SORBS2: variants seen among roughly 807,000 people sequenced by gnomAD.
SORBS2 encodes sorbin and SH3 domain containing 2.
A neutral mutation model predicts 97.7 loss-of-function variants in SORBS2; 46 were observed. The observed-to-expected ratio is 0.47, with a 90% confidence interval of 0.37 to 0.60. The LOEUF is 0.60. Ranked by LOEUF, SORBS2 falls within the 20% of genes least tolerant of loss-of-function variation. SORBS2 has a pLI of 0.00. For missense variants in SORBS2, 1,316 were observed against 1,282.3 expected, an observed-to-expected ratio of 1.03 and a Z score of -0.40; for synonymous variants, 476 against 473.4, an observed-to-expected ratio of 1.01 and a Z score of -0.07.
chr4:185,806,464 T>TGAGACGGAG, intron 1 of SORBS2, among the ~76,000 whole-genome samples: 1 of 27,610 alleles, frequency 3.6e-5, no homozygotes, highest in Non-Finnish European at 7.4e-5. Context: ...TTTTTTTTTT[T>TGAGACGGAG]TTTTTTTTTT....
intron 12 of SORBS2, among the ~76,000 whole-genome samples, chr4:185,603,235 C>G (rs1049597478): frequency 1.8e-4 from 27 of 151,146 alleles, no homozygotes; most frequent in Non-Finnish European, 1.3e-4. Flanking sequence ...AGCTTAAAAA[C>G]CGAAGAACAA....
chr4:185,681,187 TTC>T (rs1162861310), intron 2 of SORBS2, among the ~76,000 whole-genome samples: 1 of 152,188 alleles, frequency 6.6e-6, no homozygotes, highest in African/African-American at 2.4e-5. Context: ...GTACATTCAT[TTC>T]TCTTTCTTTA....
At chr4:185,898,121 C>T (rs1176845717) in intron 1 of SORBS2, among the ~76,000 whole-genome samples, 1 of 152,204 alleles carries the variant, frequency 6.6e-6, no homozygotes, top group Non-Finnish European at 1.5e-5. Flanking sequence ...AATCCAACCA[C>T]TTTTTGACGT....
At chr4:185,883,239 G>A (rs1167552284) in intron 1 of SORBS2, among the ~76,000 whole-genome samples, 1 of 152,226 alleles carries the variant, frequency 6.6e-6, no homozygotes, top group South Asian at 2.1e-4. Flanking sequence ...AAATGGTATA[G>A]AGATTTGAAT....
Position 185,678,785 on chromosome 4 carries a change from T to A in SORBS2, c.-171+11A>T, listed in dbSNP as rs1324240420. The A allele has an allele frequency of 6.9e-7, 1 of 1,454,302 alleles. No individual in the cohort carries two copies. The highest frequency in any genetic ancestry group is 2.8e-5 in the Admixed American group (1 of 35,708). The allele number at this position is 1,454,302 out of a possible 1,614,324, so 90.1% of individuals were successfully genotyped here. On this transcript the variant is annotated intron_variant, in intron 3 of 20. Coordinates refer to the SORBS2 transcript ENST00000284776. ...ATAATATAATAATTATTCAGAATAT[T>A]TTTTCTGTACCTGAGTCTGGTGACT...
chr4:185,734,375 C>CA (rs2098668110), intron 2 of SORBS2, among the ~76,000 whole-genome samples: 1 of 152,186 alleles, frequency 6.6e-6, no homozygotes. Context: ...AATTAGTCAC[C>CA]ATTAGCTAAT....
At chr4:185,712,387 C>T (rs1425428983) in intron 2 of SORBS2, among the ~76,000 whole-genome samples, 1 of 152,214 alleles carries the variant, frequency 6.6e-6, no homozygotes, top group Non-Finnish European at 1.5e-5. Flanking sequence ...CCACTGAGAG[C>T]CACTTTATCG....
At chr4:185,886,658 G>A (rs191817423) in intron 1 of SORBS2, among the ~76,000 whole-genome samples, 67 of 151,892 alleles carry the variant, frequency 4.4e-4, no homozygotes, top group African/African-American at 1.5e-3. Context: ...AGGTCAATCT[G>A]GAACATGGGA....
intron 2 of SORBS2, among the ~76,000 whole-genome samples, chr4:185,715,354 A>G (rs921195214): frequency 1.3e-5 from 2 of 152,224 alleles, no homozygotes; most frequent in Non-Finnish European, 2.9e-5. Context: ...TCTCCAAGAA[A>G]CACCACTCCT....
intron 2 of SORBS2, among the ~76,000 whole-genome samples, chr4:185,707,747 T>G (rs572609271): frequency 7.9e-5 from 12 of 152,258 alleles, no homozygotes; most frequent in East Asian, 5.8e-4. Context: ...AAGGGCATCT[T>G]ACATGACAGC....
intron 9 of SORBS2, 23 bp downstream of exon 21, chr4:185,618,562 T>G: frequency 4.4e-6 from 6 of 1,365,486 alleles, no homozygotes; most frequent in Admixed American, 1.9e-5. Flanking sequence ...TTAAATCATA[T>G]GATGAGTATT....
intron 1 of SORBS2, among the ~76,000 whole-genome samples, chr4:185,882,663 A>G (rs943984152): frequency 1.2e-4 from 19 of 152,210 alleles, no homozygotes; most frequent in Non-Finnish European, 8.8e-5. Flanking sequence ...AACATGGAGA[A>G]CCCACACTAC....
At chr4:185,614,940 T>G in exon 11 of SORBS2, 2 of 1,614,220 alleles carry the variant, frequency 1.2e-6, no homozygotes, top group East Asian at 4.5e-5. Flanking sequence ...AGGCTGTGCT[T>G]TCTCAGGAGG....
chr4:185,750,048 C>T (rs2098789991), intron 2 of SORBS2, among the ~76,000 whole-genome samples: 1 of 152,244 alleles, frequency 6.6e-6, no homozygotes, highest in African/African-American at 2.4e-5. Flanking sequence ...ATACCACCCT[C>T]TGTTCAGATC....
At chr4:185,754,101 T>C (rs1242487430) in intron 2 of SORBS2, among the ~76,000 whole-genome samples, 1 of 151,894 alleles carries the variant, frequency 6.6e-6, no homozygotes, top group African/African-American at 2.4e-5. Context: ...ATACACACCA[T>C]GGAATACCAT....
Position 185,656,586 on chromosome 4 carries a change from G to A in SORBS2, c.24+29C>T, listed in dbSNP as rs376911100. ...TTGCTGCAAAGTATATGCAGCTGCAGTCCCTCCCCGCATGGCCCCCAACTT... is the reference window on the plus strand; with the variant it reads ...TTGCTGCAAAGTATATGCAGCTGCAATCCCTCCCCGCATGGCCCCCAACTT... On this transcript the variant is annotated intron_variant, in intron 1 of 14. Coordinates refer to ENST00000418609, the Ensembl canonical transcript of SORBS2. The A allele has an allele frequency of 1.1e-3, 1,665 of 1,486,200 alleles. 16 individuals are homozygous for A. The highest frequency in any genetic ancestry group is 0.011 in the South Asian group (896 of 81,700). The allele number at this position is 1,486,200 out of a possible 1,614,324, so 92.1% of individuals were successfully genotyped here.
intron 12 of SORBS2, among the ~76,000 whole-genome samples, chr4:185,599,679 A>G (rs958307233): frequency 2.0e-5 from 3 of 152,160 alleles, no homozygotes; most frequent in Admixed American, 1.3e-4. Context: ...GCAGTGATTT[A>G]GTGTAGAACC....
At chr4:185,923,033 T>C (rs2099261662) in intron 1 of SORBS2, among the ~76,000 whole-genome samples, 1 of 152,184 alleles carries the variant, frequency 6.6e-6, no homozygotes, top group Admixed American at 6.5e-5. Flanking sequence ...TGAGCTTCAG[T>C]TCTCTCCTCT....
At chr4:185,711,362 T>C (rs1447983435) in intron 2 of SORBS2, among the ~76,000 whole-genome samples, 2 of 152,188 alleles carry the variant, frequency 1.3e-5, no homozygotes, top group African/African-American at 4.8e-5. Flanking sequence ...AAGATAGTAA[T>C]TGTGTAACAG....
Sources: gnomAD v4.1 joint callset for allele counts (sites outside exome capture counted in the v4.1 genomes callset) on GRCh38, gnomAD v4.1.1 for gene constraint, MANE v1.5 for transcripts, NCBI Gene and HGNC (gene_info 2026-07-23, HGNC 2026-07-21) for gene names.